LONP2: variants seen among roughly 807,000 people sequenced by gnomAD.
LONP2 encodes lon protease homolog 2, peroxisomal.
Under a neutral mutation model 85.6 loss-of-function variants are expected in LONP2, and 60 were observed. The ratio of observed to expected loss-of-function variants is 0.70; its 90% CI spans 0.57 to 0.87. The LOEUF is 0.87. LONP2 is among the 40% of genes least tolerant of loss of function. The pLI is 0.00. For missense variants in LONP2, 860 were observed against 1,063.5 expected (o/e 0.81, Z 2.66); for synonymous variants, 395 against 389.7 (o/e 1.01, Z -0.16).
At chr16:48,326,047 C>T (rs1006600399) in intron 11 of LONP2, among the ~76,000 whole-genome samples, 2 of 152,154 alleles carry the variant, frequency 1.3e-5, no homozygotes, top group African/African-American at 4.8e-5. Context: ...GTCTCTCTTT[C>T]CTTAGATATA....
chr16:48,307,518 T>C (rs1407175014), intron 11 of LONP2, among the ~76,000 whole-genome samples: 2 of 152,206 alleles, frequency 1.3e-5, no homozygotes, highest in African/African-American at 4.8e-5. Flanking sequence ...TCAAAAATTA[T>C]CCTAAGCAAA....
chr16:48,283,666 G>A (rs747560843), intron 8 of LONP2, among the ~76,000 whole-genome samples: 21 of 152,134 alleles, frequency 1.4e-4, no homozygotes, highest in Non-Finnish European at 2.6e-4. Flanking sequence ...ATTACTGCTC[G>A]TTGTCAATGC....
At chr16:48,295,975 C>G in intron 8 of LONP2, 40 bp from the exon 9 acceptor site, 1 of 1,602,074 alleles carries the variant, frequency 6.2e-7, no homozygotes, top group Non-Finnish European at 8.5e-7. Context: ...CTTCTGTTGG[C>G]ACTACTAAAG....
At position 48,303,310 on chromosome 16, in the gene LONP2, G is replaced by A; in HGVS notation, c.1795+5G>A. The A allele has an allele frequency of 1.9e-6, 3 of 1,611,850 alleles. No homozygotes were observed. The highest frequency in any genetic ancestry group is 1.7e-5 in the Admixed American group (1 of 59,984). On this transcript the variant is annotated splice_donor_5th_base_variant and intron_variant, in intron 11 of 14. Coordinates refer to ENST00000285737, the MANE Select transcript of LONP2 (RefSeq NM_031490.5). Reference sequence around the variant, plus strand: ...CTGATGTGACTGAGAGAGAAGGTTGGTGACCTTGTTCTGGCATTCTCAGGC... The same window carrying A: ...CTGATGTGACTGAGAGAGAAGGTTGATGACCTTGTTCTGGCATTCTCAGGC...
At chr16:48,297,690 A>G (rs1972704580) in intron 9 of LONP2, among the ~76,000 whole-genome samples, 2 of 151,562 alleles carry the variant, frequency 1.3e-5, no homozygotes, top group African/African-American at 4.8e-5. Context: ...TAAGTGAATT[A>G]TAATTGGATT....
intron 12 of LONP2, chr16:48,344,693 T>A (rs1959910846): frequency 6.6e-6 from 1 of 152,084 alleles, no homozygotes; most frequent in Admixed American, 6.6e-5. Context: ...GATGGAAAGA[T>A]GGGAAGATCG....
At chr16:48,258,772 GAA>G in intron 4 of LONP2, 32 bp downstream of exon 4, 1 of 1,523,352 alleles carries the variant, frequency 6.6e-7, no homozygotes. Flanking sequence ...TTTCAGTTTT[GAA>G]AAAAAAATAA....
At chr16:48,310,769 T>C (rs752973196) in intron 11 of LONP2, among the ~76,000 whole-genome samples, 2 of 151,958 alleles carry the variant, frequency 1.3e-5, no homozygotes, top group Non-Finnish European at 1.5e-5. Context: ...ATAAAACTTG[T>C]GAGTTTCATG....
At chr16:48,278,567 A>C (rs1214269446) in intron 8 of LONP2, among the ~76,000 whole-genome samples, 1 of 152,216 alleles carries the variant, frequency 6.6e-6, no homozygotes, top group Non-Finnish European at 1.5e-5. Context: ...GGTTGGAAAT[A>C]ATTTTTCTAT....
chr16:48,312,071 G>A (rs1304454473), intron 11 of LONP2, among the ~76,000 whole-genome samples: 2 of 152,032 alleles, frequency 1.3e-5, no homozygotes, highest in African/African-American at 4.8e-5. Flanking sequence ...CTCCTGAGTA[G>A]CTGGGATTAC....
intron 1 of LONP2, among the ~76,000 whole-genome samples, chr16:48,249,761 A>T (rs74250388): frequency 6.6e-6 from 1 of 152,248 alleles, no homozygotes; most frequent in Admixed American, 6.5e-5. Flanking sequence ...CTAGTCAACT[A>T]TAAGTGATTT....
intron 6 of LONP2, among the ~76,000 whole-genome samples, chr16:48,264,028 T>C (rs960018869): frequency 6.6e-6 from 1 of 152,092 alleles, no homozygotes; most frequent in Non-Finnish European, 1.5e-5. Flanking sequence ...TAGGTGTGGG[T>C]GACAGACATC....
chr16:48,359,652 G>A (rs1960500632), downstream of LONP2, among the ~76,000 whole-genome samples: 2 of 151,888 alleles, frequency 1.3e-5, no homozygotes, highest in Admixed American at 6.6e-5. Context: ...GGAGGCCGAG[G>A]TTGCAGTGAG....
Position 48,354,395 on chromosome 16 carries a change from G to A in LONP2, c.*2593G>A, listed in dbSNP as rs1329815202. The A allele has an allele frequency of 1.3e-5, 2 of 151,700 alleles. No homozygotes were observed. Among genetic ancestry groups the A allele is most frequent in the African/African-American group, 4.8e-5 (2 of 41,272 alleles). 9.4% of individuals were successfully genotyped at this position (151,700 alleles called of 1,614,324 possible). A position where few individuals can be genotyped will look rare whatever the true frequency, so the allele number is the denominator to read the frequency against. ...GCTAATTTTTGTATTTTTTAGTAGA[G>A]ACAGGGTTTCACCATGTTGGCCAGG... On this transcript the variant is annotated 3_prime_UTR_variant, in exon 15 of 15. Coordinates refer to ENST00000285737, the MANE Select transcript of LONP2 (RefSeq NM_031490.5).
chr16:48,320,752 A>T (rs1945355737), intron 11 of LONP2, among the ~76,000 whole-genome samples: 1 of 152,182 alleles, frequency 6.6e-6, no homozygotes, highest in Non-Finnish European at 1.5e-5. Context: ...ATCCCTCATC[A>T]ATATTGGCCT....
At chr16:48,361,462 C>A (rs1173759666), downstream of LONP2, 1 of 928,116 alleles carries the variant, frequency 1.1e-6, no homozygotes. Context: ...TTTTTATTTA[C>A]CTTCATGTGT....
In LONP2 at chr16:48,283,649, T is replaced by C. The variant is rs556908491; in HGVS notation, c.1383+6170T>C. Among the ~76,000 whole-genome samples, 3 of 152,356 alleles carry C rather than the reference T, an allele frequency of 2.0e-5. No individual in the cohort carries two copies. The East Asian group carries it at 5.8e-4, about 29-fold the overall frequency. ...ACCGTTCAAAAAAAATAGATTCTTTTGAAAATATTACTGCTCGTTGTCAAT... is the reference window on the plus strand; with the variant it reads ...ACCGTTCAAAAAAAATAGATTCTTTCGAAAATATTACTGCTCGTTGTCAAT... On this transcript the variant is annotated intron_variant, in intron 8 of 14. Coordinates refer to ENST00000285737, the MANE Select transcript of LONP2 (RefSeq NM_031490.5).
In LONP2 at chr16:48,348,166, C is replaced by T. The variant is rs1567354393; in HGVS notation, c.2213C>T (p.Thr738Ile). The T allele has an allele frequency of 1.2e-6, 2 of 1,612,338 alleles. No individual in the cohort carries two copies. Among genetic ancestry groups the T allele is most frequent in the Non-Finnish European group, 1.7e-6 (2 of 1,179,690 alleles). Residue 738 changes from threonine to isoleucine, a missense_variant, in exon 14 of 15, where the codon ACA (threonine) becomes ATA (isoleucine). By Grantham distance (89) the Thr-to-Ile change is moderately conservative. Around this residue, in one of 3 missense-constraint regions of LONP2, gnomAD observed 2 missense variants for 17.1 expected, o/e 0.12. Transcript: ENST00000285737. ...IHLHFPAGAV[T>I]KDGPSAGVTI... ...CTGCACTTCCCAGCTGGAGCTGTCA[C>T]AAAAGATGGACCATCTGCTGGAGTT... is the stretch of plus-strand genomic sequence containing the variant.
At chr16:48,280,249 G>A (rs1198579062) in intron 8 of LONP2, among the ~76,000 whole-genome samples, 1 of 151,920 alleles carries the variant, frequency 6.6e-6, no homozygotes, top group Non-Finnish European at 1.5e-5. Flanking sequence ...ATTTTTTCAG[G>A]TTATCTGACA....
Sources: allele counts gnomAD v4.1 joint callset (sites outside exome capture counted in the v4.1 genomes callset), GRCh38; gene constraint gnomAD v4.1.1; regional missense constraint gnomAD v4.1.1; transcripts MANE v1.5; gene names NCBI Gene and HGNC (gene_info 2026-07-23, HGNC 2026-07-21).